HAT1: variants seen among roughly 807,000 people sequenced by gnomAD.
HAT1 encodes the protein histone acetyltransferase 1, also known as histone acetyltransferase type B catalytic subunit.
HAT1 carries 20 observed loss-of-function variants against 56.6 expected under a neutral mutation model. The ratio of observed to expected loss-of-function variants is 0.35; its 90% CI spans 0.25 to 0.51. The LOEUF (loss-of-function observed/expected upper bound fraction) is 0.51, where lower values mean the gene tolerates loss of function less well. Ranked by LOEUF, HAT1 falls within the 20% of genes least tolerant of loss-of-function variation. The probability of loss-of-function intolerance (pLI) is 0.95; values close to 1 mark genes in which losing one functional copy is unlikely to be tolerated. For missense variants in HAT1, 408 were observed against 504.3 expected (o/e 0.81, Z 1.83); for synonymous variants, 146 against 165.5 (o/e 0.88, Z 0.91).
chr2:171,946,341 T>A (rs188243291), intron 2 of HAT1, among the ~76,000 whole-genome samples: 1 of 152,364 alleles, frequency 6.6e-6, no homozygotes, highest in East Asian at 1.9e-4. Context: ...CTTACAGCAT[T>A]CTGTTTTCAT....
At position 171,968,814 on chromosome 2, in the gene HAT1, C is replaced by G. The variant is rs368947966; in HGVS notation, c.823+1865C>G. On this transcript the variant is annotated intron_variant, in intron 8 of 10. Transcript: ENST00000264108. ...TTCTGTCATTTAGTTGCCTGTTTCTCCATTATTGTGTGTGCTTTTTTAGCT... is the reference window on the plus strand; with the variant it reads ...TTCTGTCATTTAGTTGCCTGTTTCTGCATTATTGTGTGTGCTTTTTTAGCT... Among the ~76,000 whole-genome samples, 32 of 152,236 alleles carry G rather than the reference C, an allele frequency of 2.1e-4. No individual in the cohort carries two copies. The East Asian group carries it at 2.9e-3, about 14-fold the overall frequency.
At chr2:171,931,056 G>A (rs1334926522) in intron 2 of HAT1, among the ~76,000 whole-genome samples, 2 of 151,996 alleles carry the variant, frequency 1.3e-5, no homozygotes, top group Admixed American at 6.6e-5. Flanking sequence ...ACGATCCCCC[G>A]TGAATACCAA....
chr2:171,942,052 A>G (rs936794208), intron 2 of HAT1, among the ~76,000 whole-genome samples: 1 of 151,984 alleles, frequency 6.6e-6, no homozygotes, highest in Non-Finnish European at 1.5e-5. Flanking sequence ...TTACAGGTGC[A>G]CACCACCACA....
At chr2:171,933,160 G>A (rs1686786734) in intron 2 of HAT1, among the ~76,000 whole-genome samples, 1 of 151,962 alleles carries the variant, frequency 6.6e-6, no homozygotes, top group South Asian at 2.1e-4. Context: ...TGGCTCAAGT[G>A]ACCCTCTCAC....
At chr2:171,972,855 C>G (rs1484135673) in intron 8 of HAT1, among the ~76,000 whole-genome samples, 1 of 152,236 alleles carries the variant, frequency 6.6e-6, no homozygotes, top group Non-Finnish European at 1.5e-5. Context: ...ATCACCTGCT[C>G]TGTCTCCCCA....
rs1026684461 is a variant in HAT1, at chr2:171,976,275, G to A, written c.942G>A (p.Val314=). Residue 314 remains valine (V), a synonymous_variant, in exon 9 of 11, where the codon GTG becomes GTA. Transcript: ENST00000264108. ...KLMQGFNEDM[V]IEAQQKFKIN... ...TGCAAGGATTCAATGAAGATATGGT[G>A]ATAGAGGCACAACAGAAGTTCAAAA... 6.3e-6 allele frequency: 10 copies of A among 1,583,268 alleles called. No homozygotes were observed. Among genetic ancestry groups the A allele is most frequent in the Admixed American group, 1.8e-5 (1 of 56,768 alleles).
intron 2 of HAT1, among the ~76,000 whole-genome samples, chr2:171,929,488 A>T (rs1022321742): frequency 2.0e-5 from 3 of 152,142 alleles, no homozygotes; most frequent in Non-Finnish European, 4.4e-5. Context: ...CCAGTTTATT[A>T]ATTTTAAAAA....
chr2:171,970,496 C>CTTTTTTTTTTTTTTTTTTTTTTTTTTT (rs61462189), intron 8 of HAT1, among the ~76,000 whole-genome samples: 1 of 74,978 alleles, frequency 1.3e-5, no homozygotes, highest in Non-Finnish European at 2.2e-5. Flanking sequence ...AATGCAGTTT[C>CTTTTTTTTTTTTTTTTTTTTTTTTTTT]TTTTTTTTTT....
intron 6 of HAT1, 146 bp from the exon 7 acceptor site, chr2:171,966,263 A>G: frequency 1.5e-6 from 1 of 663,940 alleles, no homozygotes. Context: ...TGAATTGTAC[A>G]TTCAGAACAT....
intron 3 of HAT1, among the ~76,000 whole-genome samples, chr2:171,948,645 G>A (rs963274473): frequency 1.3e-5 from 2 of 152,074 alleles, no homozygotes; most frequent in Admixed American, 6.6e-5. Flanking sequence ...ATTGTATTTC[G>A]TTGCCATATC....
At chr2:171,944,058 A>C (rs1687095613) in intron 2 of HAT1, among the ~76,000 whole-genome samples, 1 of 151,838 alleles carries the variant, frequency 6.6e-6, no homozygotes, top group Admixed American at 6.6e-5. Flanking sequence ...AGGCGGGAAG[A>C]TCTTTTGAGC....
At chr2:171,950,835 C>A (rs920474046) in intron 3 of HAT1, among the ~76,000 whole-genome samples, 1 of 150,000 alleles carries the variant, frequency 6.7e-6, no homozygotes, top group Non-Finnish European at 1.5e-5. Flanking sequence ...GACGTAGTTT[C>A]GCTCTTGTTG....
At chr2:171,928,665 C>T (rs1333541772) in intron 2 of HAT1, among the ~76,000 whole-genome samples, 5 of 152,114 alleles carry the variant, frequency 3.3e-5, no homozygotes, top group Non-Finnish European at 5.9e-5. Context: ...CCTGCCACCA[C>T]GCCTGGCTAA....
chr2:171,949,826 G>A (rs1049790097), intron 3 of HAT1, among the ~76,000 whole-genome samples: 1 of 152,010 alleles, frequency 6.6e-6, no homozygotes, highest in Non-Finnish European at 1.5e-5. Context: ...CAATTCAGTG[G>A]GCTATGTACA....
chr2:171,925,772 T>C, intron 2 of HAT1, 131 bp downstream of exon 2: 1 of 547,310 alleles, frequency 1.8e-6, no homozygotes, highest in East Asian at 3.0e-5. Context: ...CTGCATTTAT[T>C]GAACATATTC....
chr2:171,930,171 A>G (rs1323312841), intron 2 of HAT1, among the ~76,000 whole-genome samples: 1 of 151,980 alleles, frequency 6.6e-6, no homozygotes, highest in African/African-American at 2.4e-5. Flanking sequence ...ATACTTTTTT[A>G]TTTATTTATT....
chr2:171,946,192 C>T (rs1222136639), intron 2 of HAT1, among the ~76,000 whole-genome samples: 2 of 152,128 alleles, frequency 1.3e-5, no homozygotes, highest in Admixed American at 1.3e-4. Context: ...TATAAAAGTA[C>T]AGCAGGATGT....
At position 171,980,412 on chromosome 2, in the gene HAT1, TG is replaced by T. The variant is rs1688103612; in HGVS notation, c.1092+1050del. The T allele has an allele frequency of 2.0e-5, 3 of 152,198 alleles. No individual in the cohort carries two copies. In the South Asian group the frequency reaches 6.2e-4, roughly 32 times the overall value. 9.4% of individuals were successfully genotyped at this position (152,198 alleles called of 1,614,324 possible). A position where few individuals can be genotyped will look rare whatever the true frequency, so the allele number is the denominator to read the frequency against. ...TTGTACTTTACCATAGCCGAAACCA[TG>T]TTAGTACTATTATATTTTTAAACAT... On this transcript the variant is annotated intron_variant, in intron 10 of 10. Transcript: ENST00000264108.
At chr2:171,977,519 A>G (rs1455254334) in intron 9 of HAT1, among the ~76,000 whole-genome samples, 16 of 89,928 alleles carry the variant, frequency 1.8e-4, no homozygotes, top group South Asian at 4.4e-4. Context: ...AAGAACAGGC[A>G]TATGAATATA....
Sources: gnomAD v4.1 joint callset for allele counts (sites outside exome capture counted in the v4.1 genomes callset) on GRCh38, gnomAD v4.1.1 for gene constraint, MANE v1.5 for transcripts, NCBI Gene and HGNC (gene_info 2026-07-23, HGNC 2026-07-21) for gene names.